Variants in TENM3 observed in about 807,000 individuals in gnomAD.
The protein encoded by TENM3 is teneurin transmembrane protein 3.
In TENM3, 63 loss-of-function variants were observed where a neutral mutation model predicts 255.1. The observed-to-expected ratio is 0.25, with a 90% CI of 0.20 to 0.30. TENM3 has a LOEUF of 0.30. Ranked by LOEUF, TENM3 falls within the 10% of genes least tolerant of loss-of-function variation. The probability of loss-of-function intolerance (pLI) is 1.00; values close to 1 mark genes in which losing one functional copy is unlikely to be tolerated. For synonymous variants in TENM3, 1,306 were observed against 1,322.3 expected, an observed-to-expected ratio of 0.99 and a Z score of 0.27; for missense variants, 2,929 against 3,461.1, an observed-to-expected ratio of 0.85 and a Z score of 3.86.
chr4:181,773,958 G>A, the TENM3 span, among the ~76,000 whole-genome samples: 4 of 147,368 alleles, frequency 2.7e-5, no homozygotes, highest in African/African-American at 1.0e-4. Context: ...CCTCCACTTA[G>A]CTATAACTTG....
At chr4:181,857,744 G>A in the TENM3 span, among the ~76,000 whole-genome samples, 1 of 151,836 alleles carries the variant, frequency 6.6e-6, no homozygotes, top group Non-Finnish European at 1.5e-5. Context: ...GTGACAGAGA[G>A]AGATCCTGTT....
chr4:181,488,544 A>C, the TENM3 span, among the ~76,000 whole-genome samples: 1 of 152,202 alleles, frequency 6.6e-6, no homozygotes, highest in Non-Finnish European at 1.5e-5. Context: ...AGTCAATTTT[A>C]CCATGATTTG....
At chr4:181,962,932 TTTTC>T in the TENM3 span, among the ~76,000 whole-genome samples, 18 of 152,216 alleles carry the variant, frequency 1.2e-4, no homozygotes, top group East Asian at 3.3e-3. Flanking sequence ...TAGTGAGTGG[TTTTC>T]TTTAATATTG....
intron 24 of TENM3, among the ~76,000 whole-genome samples, chr4:182,779,976 T>A (rs2152808016): frequency 6.6e-6 from 1 of 150,952 alleles, no homozygotes; most frequent in South Asian, 2.1e-4. Flanking sequence ...GATGAGTAGG[T>A]TGCGAAAATT....
chr4:182,481,977 C>T (rs1380920366), intron 3 of TENM3, among the ~76,000 whole-genome samples: 1 of 152,108 alleles, frequency 6.6e-6, no homozygotes, highest in African/African-American at 2.4e-5. Context: ...AAGTAAATTT[C>T]TCTAGACAGT....
the TENM3 span, among the ~76,000 whole-genome samples, chr4:181,958,129 T>C: frequency 2.0e-5 from 3 of 152,310 alleles, no homozygotes; most frequent in Non-Finnish European, 2.9e-5. Flanking sequence ...AAATTATACT[T>C]GAAGGGTATA....
intron 1 of TENM3, among the ~76,000 whole-genome samples, chr4:182,261,987 G>C (rs998046955): frequency 3.3e-5 from 5 of 152,070 alleles, no homozygotes; most frequent in Non-Finnish European, 7.4e-5. Flanking sequence ...TCCTTTTTCT[G>C]AATAAAAATT....
At chr4:181,764,608 TC>T in the TENM3 span, among the ~76,000 whole-genome samples, 1 of 152,184 alleles carries the variant, frequency 6.6e-6, no homozygotes, top group African/African-American at 2.4e-5. Flanking sequence ...CAGCAACTAT[TC>T]CCCCAGAAGA....
intron 3 of TENM3, among the ~76,000 whole-genome samples, chr4:182,477,541 G>A (rs1414330788): frequency 1.3e-5 from 2 of 152,194 alleles, no homozygotes; most frequent in African/African-American, 2.4e-5. Context: ...CCCTCCCACC[G>A]GCCTCCTGAA....
At chr4:181,990,674 G>C in the TENM3 span, among the ~76,000 whole-genome samples, 3 of 152,072 alleles carry the variant, frequency 2.0e-5, no homozygotes, top group Non-Finnish European at 4.4e-5. Context: ...GGCATGCCGA[G>C]GAGGTTGTAT....
the TENM3 span, among the ~76,000 whole-genome samples, chr4:181,546,511 C>A: frequency 6.6e-6 from 1 of 150,948 alleles, no homozygotes; most frequent in South Asian, 2.1e-4. Context: ...GTCAGGAGAT[C>A]GAGACCATCC....
intron 4 of TENM3, among the ~76,000 whole-genome samples, chr4:182,612,358 G>C (rs1159415844): frequency 2.0e-5 from 3 of 151,614 alleles, no homozygotes; most frequent in Non-Finnish European, 4.4e-5. Context: ...AACACACACA[G>C]AGTTTCAGCA....
intron 1 of TENM3, among the ~76,000 whole-genome samples, chr4:182,301,612 G>A (rs554006912): frequency 4.6e-5 from 7 of 152,266 alleles, no homozygotes; most frequent in African/African-American, 9.6e-5. Context: ...TCCTAGGTGC[G>A]TCAGAGGAGA....
intron 1 of TENM3, among the ~76,000 whole-genome samples, chr4:182,322,817 C>G (rs1277379188): frequency 6.6e-6 from 1 of 152,112 alleles, no homozygotes; most frequent in Admixed American, 6.5e-5. Context: ...ACTACTATCT[C>G]AACAGCGGTC....
At chr4:181,773,318 A>G in the TENM3 span, among the ~76,000 whole-genome samples, 2 of 152,196 alleles carry the variant, frequency 1.3e-5, no homozygotes, top group African/African-American at 2.4e-5. Context: ...CAATAGCAGC[A>G]CGAAAGTTGT....
intron 22 of TENM3, among the ~76,000 whole-genome samples, chr4:182,764,417 T>C (rs1226860383): frequency 2.6e-5 from 4 of 152,108 alleles, no homozygotes; most frequent in African/African-American, 9.7e-5. Context: ...TAAACAGTGA[T>C]AAGAATGGTA....
chr4:181,472,579 A>G, the TENM3 span, among the ~76,000 whole-genome samples: 1 of 151,384 alleles, frequency 6.6e-6, no homozygotes, highest in Non-Finnish European at 1.5e-5. Flanking sequence ...GGGCAAGGGC[A>G]GGAAATCCTC....
chr4:182,093,032 T>G, the TENM3 span, among the ~76,000 whole-genome samples: 3 of 152,178 alleles, frequency 2.0e-5, no homozygotes, highest in South Asian at 2.1e-4. Flanking sequence ...CACCTCACCC[T>G]GATCTCTTAA....
In TENM3 at chr4:182,773,356, A is replaced by G. The variant is rs1754827356; in HGVS notation, c.4893-116A>G. ...AGTCTTCACTCTGCATCGCTCATCCACGAAGACAAATAGTCCTCCAAATTT... is the reference window on the plus strand; with the variant it reads ...AGTCTTCACTCTGCATCGCTCATCCGCGAAGACAAATAGTCCTCCAAATTT... On this transcript the variant is annotated intron_variant, in intron 22 of 27. Coordinates refer to ENST00000511685, the MANE Select transcript of TENM3 (RefSeq NM_001080477.4). 61 of 938,566 alleles carry G rather than the reference A, an allele frequency of 6.5e-5. 1 individual carries two copies. The South Asian group carries it at 1.0e-3, about 16-fold the overall frequency. The allele number at this position is 938,566 out of a possible 1,614,324, so 58.1% of individuals were successfully genotyped here.
Sources: gnomAD v4.1 joint callset for allele counts (sites outside exome capture counted in the v4.1 genomes callset) on GRCh38, gnomAD v4.1.1 for gene constraint, MANE v1.5 for transcripts, NCBI Gene and HGNC (gene_info 2026-07-23, HGNC 2026-07-21) for gene names.